The following ARL5B variants were observed in gnomAD, a reference collection of about 807,000 sequenced individuals.
ARL5B encodes ADP-ribosylation factor-like protein 5B.
ARL5B carries 10 observed loss-of-function variants against 26.9 expected under a neutral mutation model. That is an observed-to-expected ratio of 0.37 (90% CI 0.23 to 0.63). The LOEUF (loss-of-function observed/expected upper bound fraction) is 0.63, where lower values mean the gene tolerates loss of function less well. ARL5B is among the 30% of genes least tolerant of loss of function. The probability of loss-of-function intolerance (pLI) is 0.62; values close to 1 mark genes in which losing one functional copy is unlikely to be tolerated. For missense variants in ARL5B, 167 were observed against 213.9 expected (o/e 0.78, Z 1.37); for synonymous variants, 87 against 70.4 (o/e 1.24, Z -1.18).
chr10:18,679,997 G>C lies in ARL5B; in HGVS notation c.*4781G>C, dbSNP rs1422651624. The C allele has an allele frequency of 6.6e-6, 1 of 151,902 alleles. No individual in the cohort carries two copies. Among genetic ancestry groups the C allele is most frequent in the Non-Finnish European group, 1.5e-5 (1 of 67,870 alleles). The allele number at this position is 151,902 out of a possible 1,614,324, so 9.4% of individuals were successfully genotyped here. ...AATTTGGAACTGTAGTCACATAAAGGCATCTTTTGCATTTCTTAAACCAGT... is the reference window on the plus strand; with the variant it reads ...AATTTGGAACTGTAGTCACATAAAGCCATCTTTTGCATTTCTTAAACCAGT... On this transcript the variant is annotated 3_prime_UTR_variant, in exon 6 of 6. Transcript: ENST00000377275.
rs1178985722 is a variant in ARL5B at position 18,679,137 on chromosome 10, T to C, written c.*3921T>C. On this transcript the variant is annotated 3_prime_UTR_variant, in exon 6 of 6. Coordinates refer to ENST00000377275, the MANE Select transcript of ARL5B (RefSeq NM_178815.5). ...ATCAGTAACTGCTATTCAACTTAAATTCAGCGAATTAATAGCTGAATAGAA... is the reference window on the plus strand; with the variant it reads ...ATCAGTAACTGCTATTCAACTTAAACTCAGCGAATTAATAGCTGAATAGAA... The C allele has an allele frequency of 1.3e-5, 2 of 151,892 alleles. No homozygotes were observed. Among genetic ancestry groups the C allele is most frequent in the Non-Finnish European group, 3.0e-5 (2 of 67,796 alleles). The allele number at this position is 151,892 out of a possible 1,614,324, so 9.4% of individuals were successfully genotyped here.
Position 18,675,802 on chromosome 10 carries a change from A to G in ARL5B, c.*586A>G, listed in dbSNP as rs2059908141. ...CTTTCCCCCACATTACTGTTGAGTC[A>G]TGGAATAATGTTTAAGTTGTTATTT... On this transcript the variant is annotated 3_prime_UTR_variant, in exon 6 of 6. Coordinates refer to ENST00000377275, the MANE Select transcript of ARL5B (RefSeq NM_178815.5). The G allele has an allele frequency of 6.6e-6, 1 of 152,098 alleles. No homozygotes were observed. 9.4% of individuals were successfully genotyped at this position (152,098 alleles called of 1,614,324 possible).
intron 2 of ARL5B, 24 bp downstream of exon 2, chr10:18,666,659 A>G (rs975012244): frequency 6.4e-7 from 1 of 1,553,908 alleles, no homozygotes; most frequent in Non-Finnish European, 8.8e-7. Flanking sequence ...TTTATTAAAC[A>G]GTTTTCACTA....
intron 2 of ARL5B, among the ~76,000 whole-genome samples, chr10:18,667,484 CA>C (rs2059866596): frequency 6.6e-6 from 1 of 152,088 alleles, no homozygotes; most frequent in African/African-American, 2.4e-5. Flanking sequence ...AGCTTTTAAA[CA>C]TCACATATAA....
In ARL5B at chr10:18,672,684, A is replaced by ATGAGG; in HGVS notation, c.319_320insGAGGT (p.Tyr107Ter). ...GACTAGCTATTACAAAAGAAGAATT[A>ATGAGG]TACAGAATGTTGGCTCATGAGGTAA... On this transcript the variant is annotated stop_gained and frameshift_variant, in exon 4 of 6. Transcript: ENST00000377275. LOFTEE classifies it high-confidence loss of function. 6.2e-7 allele frequency: 1 copy of ATGAGG among 1,609,894 alleles called. No individual in the cohort carries two copies. The highest frequency in any genetic ancestry group is 2.2e-5 in the East Asian group (1 of 44,666).
Position 18,673,943 on chromosome 10 carries a change from G to A in ARL5B, c.340-41G>A, listed in dbSNP as rs1438821903. 3.2e-6 allele frequency: 5 copies of A among 1,542,102 alleles called. No individual in the cohort carries two copies. In the African/African-American group the frequency reaches 6.9e-5, roughly 21 times the overall value. On this transcript the variant is annotated intron_variant, in intron 4 of 5. Coordinates refer to ENST00000377275, the MANE Select transcript of ARL5B (RefSeq NM_178815.5). ...CTGTTCAGCTGGGTAAATTTAAATTGTGGTATTTCACATATTAGAAATATT... is the reference window on the plus strand; with the variant it reads ...CTGTTCAGCTGGGTAAATTTAAATTATGGTATTTCACATATTAGAAATATT...
chr10:18,672,057 C>T (rs1009269444), intron 3 of ARL5B, among the ~76,000 whole-genome samples: 3 of 152,120 alleles, frequency 2.0e-5, no homozygotes, highest in Non-Finnish European at 4.4e-5. Context: ...TTAATTTCAC[C>T]TGAATCTCCA....
At chr10:18,662,362 T>C (rs1181340389) in intron 1 of ARL5B, among the ~76,000 whole-genome samples, 1 of 152,230 alleles carries the variant, frequency 6.6e-6, no homozygotes, top group African/African-American at 2.4e-5. Context: ...GTCTTATAAA[T>C]TAGATACCTT....
chr10:18,676,123 A>G lies in ARL5B; in HGVS notation c.*907A>G, dbSNP rs1393553275. Reference sequence around the variant, plus strand: ...AGAAATTTTAGCTCTTTTCTTTGCAAGATATATCACAGCTGCTTTGGGCAG... The same window carrying G: ...AGAAATTTTAGCTCTTTTCTTTGCAGGATATATCACAGCTGCTTTGGGCAG... On this transcript the variant is annotated 3_prime_UTR_variant, in exon 6 of 6. Coordinates refer to ENST00000377275, the MANE Select transcript of ARL5B (RefSeq NM_178815.5). 6.6e-6 allele frequency: 1 copy of G among 152,502 alleles called. No individual in the cohort carries two copies. The highest frequency in any genetic ancestry group is 2.4e-5 in the African/African-American group (1 of 41,448). The allele number at this position is 152,502 out of a possible 1,614,324, so 9.4% of individuals were successfully genotyped here. A position where few individuals can be genotyped will look rare whatever the true frequency, so the allele number is the denominator to read the frequency against.
intron 1 of ARL5B, among the ~76,000 whole-genome samples, chr10:18,666,207 A>G (rs542870988): frequency 1.5e-3 from 233 of 152,344 alleles, no homozygotes; most frequent in African/African-American, 5.5e-3. Flanking sequence ...ATTGGTACAG[A>G]GCTAAAAAGG....
chr10:18,664,049 G>T (rs1379334110), intron 1 of ARL5B, among the ~76,000 whole-genome samples: 3 of 151,900 alleles, frequency 2.0e-5, no homozygotes, highest in Non-Finnish European at 2.9e-5. Flanking sequence ...TGCCTCCCAG[G>T]TTCAAGTGAT....
At chr10:18,673,194 T>C (rs1334393418) in intron 4 of ARL5B, among the ~76,000 whole-genome samples, 2 of 152,062 alleles carry the variant, frequency 1.3e-5, no homozygotes, top group South Asian at 2.1e-4. Flanking sequence ...CCCGAGTAGC[T>C]GGGATTACAG....
rs184135456 is a variant in ARL5B, at chr10:18,675,566, T to C, written c.*350T>C. ...TTAATGACCAATTGCTTTCAATTCTTGACCAGCACTCCCTCCCAACCAGAG... is the reference window on the plus strand; with the variant it reads ...TTAATGACCAATTGCTTTCAATTCTCGACCAGCACTCCCTCCCAACCAGAG... On this transcript the variant is annotated 3_prime_UTR_variant, in exon 6 of 6. Transcript: ENST00000377275. The C allele has an allele frequency of 2.8e-5, 6 of 211,198 alleles. No individual in the cohort carries two copies. Among genetic ancestry groups the C allele is most frequent in the Non-Finnish European group, 4.9e-5 (5 of 102,614 alleles). The allele number at this position is 211,198 out of a possible 1,614,324, so 13.1% of individuals were successfully genotyped here. A position where few individuals can be genotyped will look rare whatever the true frequency, so the allele number is the denominator to read the frequency against.
At chr10:18,670,614 A>G (rs1226055800) in intron 3 of ARL5B, among the ~76,000 whole-genome samples, 1 of 152,140 alleles carries the variant, frequency 6.6e-6, no homozygotes, top group African/African-American at 2.4e-5. Flanking sequence ...CTCTCTCAAA[A>G]AAAAAGAAAA....
chr10:18,666,704 G>C, intron 2 of ARL5B, 69 bp downstream of exon 2: 1 of 1,284,526 alleles, frequency 7.8e-7, no homozygotes, highest in Non-Finnish European at 1.1e-6. Flanking sequence ...ATTAATAAGA[G>C]ATGCATTATA....
chr10:18,674,144 A>G lies in ARL5B; in HGVS notation c.491+9A>G. 6.2e-7 allele frequency: 1 copy of G among 1,602,798 alleles called. No individual in the cohort carries two copies. Among genetic ancestry groups the G allele is most frequent in the Non-Finnish European group, 8.5e-7 (1 of 1,175,358 alleles). On this transcript the variant is annotated intron_variant, in intron 5 of 5. Coordinates refer to ENST00000377275, the MANE Select transcript of ARL5B (RefSeq NM_178815.5). ...GCTCTCACAGGAGAAGGGTAAGTTC[A>G]TCCGTCTGAGGGGAGGTATGACTTC... is the stretch of plus-strand genomic sequence containing the variant.
rs2059919444 is a variant in ARL5B at position 18,678,502 on chromosome 10, C to A, written c.*3286C>A. The A allele has an allele frequency of 6.6e-6, 1 of 151,750 alleles. No individual in the cohort carries two copies. Among genetic ancestry groups the A allele is most frequent in the African/African-American group, 2.4e-5 (1 of 41,390 alleles). 9.4% of individuals were successfully genotyped at this position (151,750 alleles called of 1,614,324 possible). A position where few individuals can be genotyped will look rare whatever the true frequency, so the allele number is the denominator to read the frequency against. ...GAATATAGAAGCTTTTTTAAAAAAT[C>A]TTTTTAGTGTAGTTTCTTAGAACAA... On this transcript the variant is annotated 3_prime_UTR_variant, in exon 6 of 6. Coordinates refer to ENST00000377275, the MANE Select transcript of ARL5B (RefSeq NM_178815.5).
intron 1 of ARL5B, among the ~76,000 whole-genome samples, chr10:18,665,266 G>C (rs1047649319): frequency 6.6e-6 from 1 of 152,144 alleles, no homozygotes; most frequent in African/African-American, 2.4e-5. Context: ...CTTGAGCCTG[G>C]GAGGTCGAGG....
chr10:18,661,041 G>GTT (rs1175179696), intron 1 of ARL5B, among the ~76,000 whole-genome samples: 1 of 152,046 alleles, frequency 6.6e-6, no homozygotes, highest in Non-Finnish European at 1.5e-5. Flanking sequence ...TAGAGACAGG[G>GTT]TTTCGCCATG....
Sources: gnomAD v4.1 joint callset for allele counts (sites outside exome capture counted in the v4.1 genomes callset) on GRCh38, gnomAD v4.1.1 for gene constraint, MANE v1.5 for transcripts, NCBI Gene and HGNC (gene_info 2026-07-23, HGNC 2026-07-21) for gene names.